The following ROBO2 variants were observed in gnomAD, a reference collection of about 807,000 sequenced individuals.
ROBO2 encodes roundabout guidance receptor 2, also known as roundabout homolog 2.
In ROBO2, 53 loss-of-function variants were observed where a neutral mutation model predicts 160.8. That is an observed-to-expected ratio of 0.33 (90% CI 0.26 to 0.41). The LOEUF is 0.41. Ranked by LOEUF, ROBO2 falls within the 10% of genes least tolerant of loss-of-function variation. The probability of loss-of-function intolerance (pLI) is 1.00; values close to 1 mark genes in which losing one functional copy is unlikely to be tolerated. For missense variants in ROBO2, 1,577 were observed against 1,722.4 expected (o/e 0.92, Z 1.49); for synonymous variants, 664 against 611.7 (o/e 1.09, Z -1.26).
chr3:77,351,142 A>G (rs1338627087), intron 2 of ROBO2, among the ~76,000 whole-genome samples: 1 of 152,132 alleles, frequency 6.6e-6, no homozygotes, highest in East Asian at 1.9e-4. Context: ...TTTTTAAATT[A>G]TTTCACCTTG....
At position 76,565,978 on chromosome 3, in the gene ROBO2, C is replaced by T. The variant is rs138101477; in HGVS notation, c.110-532036C>T. ...CAACGGGTATTGCCTGGTACTCTGC[C>T]ATTACCAGCTGGCACTGATCACTGA... is the stretch of plus-strand genomic sequence containing the variant. On this transcript the variant is annotated intron_variant, in intron 2 of 26. Coordinates refer to the ROBO2 transcript ENST00000487694. Among the ~76,000 whole-genome samples the T allele has an allele frequency of 6.6e-5, 10 of 152,278 alleles. 2 individuals are homozygous for T. The highest frequency in any genetic ancestry group is 2.2e-4 in the African/African-American group (9 of 41,566).
intron 2 of ROBO2, among the ~76,000 whole-genome samples, chr3:76,300,087 G>T (rs561006810): frequency 2.0e-5 from 3 of 152,060 alleles, no homozygotes; most frequent in Non-Finnish European, 4.4e-5. Flanking sequence ...GGTTTGAGTG[G>T]ATTCTTAGTT....
At position 77,365,002 on chromosome 3, in the gene ROBO2, A is replaced by G. The variant is rs555127458; in HGVS notation, c.389-112412A>G. On this transcript the variant is annotated intron_variant, in intron 2 of 25. Coordinates refer to ENST00000461745, the Ensembl canonical transcript of ROBO2. ...TCCACTAAAAATACAAAAATTAGCAAGGCATGGTGGTGCATGCCTGTAATC... is the reference window on the plus strand; with the variant it reads ...TCCACTAAAAATACAAAAATTAGCAGGGCATGGTGGTGCATGCCTGTAATC... Among the ~76,000 whole-genome samples, 14 of 152,060 alleles carry G rather than the reference A, an allele frequency of 9.2e-5. No individual in the cohort carries two copies. The South Asian group carries it at 2.9e-3, about 32-fold the overall frequency.
chr3:77,379,272 G>C (rs778699355), intron 2 of ROBO2, among the ~76,000 whole-genome samples: 14 of 152,102 alleles, frequency 9.2e-5, no homozygotes, highest in Non-Finnish European at 1.5e-4. Flanking sequence ...ACATAACTTA[G>C]TTAAGGTACT....
intron 2 of ROBO2, among the ~76,000 whole-genome samples, chr3:76,463,696 G>A (rs771709857): frequency 1.1e-4 from 16 of 152,014 alleles, no homozygotes; most frequent in Non-Finnish European, 1.8e-4. Context: ...ACACTCCTCC[G>A]CGCATCCATC....
intron 2 of ROBO2, among the ~76,000 whole-genome samples, chr3:76,263,402 A>G (rs1706893476): frequency 6.6e-6 from 1 of 152,050 alleles, no homozygotes; most frequent in South Asian, 2.1e-4. Flanking sequence ...AATTAAAAAA[A>G]TGTAGGTACA....
intron 2 of ROBO2, among the ~76,000 whole-genome samples, chr3:76,210,829 C>T (rs1478565313): frequency 6.6e-6 from 1 of 152,086 alleles, no homozygotes; most frequent in African/African-American, 2.4e-5. Context: ...TATTTATCGA[C>T]ATTCAGGGTT....
intron 2 of ROBO2, among the ~76,000 whole-genome samples, chr3:77,131,379 A>G (rs2075838516): frequency 6.6e-6 from 1 of 152,178 alleles, no homozygotes; most frequent in South Asian, 2.1e-4. Flanking sequence ...GTTTCTAGAT[A>G]AGTCTGTTCT....
intron 2 of ROBO2, among the ~76,000 whole-genome samples, chr3:77,289,095 G>C (rs1407328123): frequency 6.6e-6 from 1 of 152,138 alleles, no homozygotes. Flanking sequence ...ACAGGCACTT[G>C]ATATGTGGAT....
At chr3:77,427,253 G>A (rs1361921910) in intron 2 of ROBO2, among the ~76,000 whole-genome samples, 1 of 152,242 alleles carries the variant, frequency 6.6e-6, no homozygotes, top group East Asian at 1.9e-4. Flanking sequence ...ACCACAGAAC[G>A]CTTGCTACTG....
intron 2 of ROBO2, among the ~76,000 whole-genome samples, chr3:76,090,470 T>C (rs952424821): frequency 1.3e-5 from 2 of 152,110 alleles, no homozygotes; most frequent in African/African-American, 4.8e-5. Context: ...AATGAGGCTA[T>C]ATTTCATGTT....
At chr3:77,153,875 T>C (rs2077742416) in intron 2 of ROBO2, among the ~76,000 whole-genome samples, 1 of 152,134 alleles carries the variant, frequency 6.6e-6, no homozygotes, top group South Asian at 2.1e-4. Flanking sequence ...CTTGAATGTT[T>C]ACTATAACAA....
chr3:76,331,994 A>T (rs2073525398), intron 2 of ROBO2, among the ~76,000 whole-genome samples: 1 of 152,116 alleles, frequency 6.6e-6, no homozygotes, highest in Non-Finnish European at 1.5e-5. Context: ...TAATATATGG[A>T]TTATTTAAAC....
At position 76,718,499 on chromosome 3, in the gene ROBO2, CA is replaced by C. The variant is rs1375985749; in HGVS notation, c.110-379514del. Among the ~76,000 whole-genome samples the C allele has an allele frequency of 2.6e-5, 4 of 152,160 alleles. No individual in the cohort carries two copies. The East Asian group carries it at 7.7e-4, about 29-fold the overall frequency. ...CACCCTTTCTTAGTTGAAAGATAGA[CA>C]GTGTTTTTCTCAATTTTCATCTTGG... On this transcript the variant is annotated intron_variant, in intron 2 of 26. Coordinates refer to the ROBO2 transcript ENST00000487694.
chr3:77,297,604 A>C (rs939691810), intron 2 of ROBO2, among the ~76,000 whole-genome samples: 2 of 152,118 alleles, frequency 1.3e-5, no homozygotes, highest in Non-Finnish European at 2.9e-5. Context: ...ATCAGATTTT[A>C]CATGTTGCGT....
intron 2 of ROBO2, among the ~76,000 whole-genome samples, chr3:77,349,348 C>A (rs571766726): frequency 6.6e-6 from 1 of 152,226 alleles, no homozygotes; most frequent in East Asian, 1.9e-4. Flanking sequence ...AAACTCAATT[C>A]TCTTGACTCC....
At chr3:75,934,164 A>G (rs1220322652) in intron 1 of ROBO2, among the ~76,000 whole-genome samples, 1 of 152,202 alleles carries the variant, frequency 6.6e-6, no homozygotes, top group Non-Finnish European at 1.5e-5. Context: ...ATTGAATGGA[A>G]TTGTGTTTCC....
chr3:75,937,844 TATA>T, intron 2 of ROBO2, among the ~76,000 whole-genome samples: 1 of 33,984 alleles, frequency 2.9e-5, no homozygotes, highest in Admixed American at 3.1e-4. Context: ...ATTGATTTTA[TATA>T]TATATATATA....
chr3:76,820,330 A>G (rs2066011228), intron 2 of ROBO2, among the ~76,000 whole-genome samples: 2 of 152,188 alleles, frequency 1.3e-5, no homozygotes, highest in South Asian at 4.1e-4. Flanking sequence ...TTCAATAGGA[A>G]ATAACTTTCT....
Sources: gnomAD v4.1 joint callset for allele counts (sites outside exome capture counted in the v4.1 genomes callset) on GRCh38, gnomAD v4.1.1 for gene constraint, MANE v1.5 for transcripts, NCBI Gene and HGNC (gene_info 2026-07-23, HGNC 2026-07-21) for gene names.